Variants in NCOR1 observed in about 807,000 individuals in gnomAD.
The protein encoded by NCOR1 is nuclear receptor corepressor 1.
Under a neutral mutation model 288.1 loss-of-function variants are expected in NCOR1, and 63 were observed. The ratio of observed to expected loss-of-function variants is 0.22; its 90% confidence interval spans 0.18 to 0.27. NCOR1 has a LOEUF of 0.27. Among genes scored for constraint, NCOR1 ranks in the 10% least tolerant of loss-of-function variants. NCOR1 has a pLI of 1.00. For synonymous variants in NCOR1, 1,007 were observed against 1,065.9 expected (o/e 0.94, Z 1.08); for missense variants, 2,397 against 3,019.2 (o/e 0.79, Z 4.83).
Position 16,139,046 on chromosome 17 carries a change from A to G in NCOR1, c.1314T>C (p.Asn438=), listed in dbSNP as rs767951912. Reference sequence around the variant, plus strand: ...TCTCCTTTTCATGGTCAGTCCAAACATTCATAAACTGCCTATCTTTATACA... The same window carrying G: ...TCTCCTTTTCATGGTCAGTCCAAACGTTCATAAACTGCCTATCTTTATACA... ...MKVYKDRQFM[N]VWTDHEKEIF... The change falls in exon 12 of 46, where the codon AAT becomes AAC. Residue 438 remains asparagine, a synonymous_variant. Transcript: ENST00000268712. The G allele has an allele frequency of 1.9e-6, 3 of 1,601,968 alleles. No individual in the cohort carries two copies. In the East Asian group the frequency reaches 6.7e-5, roughly 36 times the overall value.
rs1403107361 is a variant in NCOR1 at position 16,127,338 on chromosome 17, CATGTATGT to C, written c.1510-1140_1510-1133del. On this transcript the variant is annotated intron_variant, in intron 14 of 45. Coordinates refer to ENST00000268712, the MANE Select transcript of NCOR1 (RefSeq NM_006311.4). Reference sequence around the variant, plus strand: ...GTATGTATATATGTATGTATATATACATGTATGTATATATGTATGTATATATACATGTA... The same window carrying C: ...GTATGTATATATGTATGTATATATACATATATGTATGTATATATACATGTA... Among the ~76,000 whole-genome samples the C allele has an allele frequency of 8.0e-4, 29 of 36,210 alleles. 11 individuals carry two copies. Among genetic ancestry groups the C allele is most frequent in the Non-Finnish European group, 6.0e-4 (8 of 13,246 alleles). 23.8% of individuals were successfully genotyped at this position (36,210 alleles called of 152,430 possible).
chr17:16,196,085 GGGT>G (rs1012312624), intron 1 of NCOR1, among the ~76,000 whole-genome samples: 3 of 149,244 alleles, frequency 2.0e-5, no homozygotes, highest in Non-Finnish European at 4.4e-5. Flanking sequence ...TTACCTAATT[GGGT>G]GGTTTTAAAA....
At chr17:16,193,371 C>T (rs2088999962) in intron 2 of NCOR1, among the ~76,000 whole-genome samples, 2 of 152,042 alleles carry the variant, frequency 1.3e-5, no homozygotes, top group South Asian at 4.2e-4. Flanking sequence ...GCTAGGATTA[C>T]AGATGCCTGC....
intron 21 of NCOR1, among the ~76,000 whole-genome samples, chr17:16,098,015 T>C (rs902218067): frequency 6.6e-6 from 1 of 152,212 alleles, no homozygotes; most frequent in African/African-American, 2.4e-5. Flanking sequence ...TAGTAAGTAT[T>C]GTGGGAAAGA....
chr17:16,083,970 TTTTTTTTCTTTAAG>T (rs2063811734), intron 23 of NCOR1: 2 of 152,042 alleles, frequency 1.3e-5, no homozygotes, highest in South Asian at 4.1e-4. Flanking sequence ...CCCAGCAGAA[TTTTTTTTCTTTAAG>T]TAGACTGACA....
intron 37 of NCOR1, among the ~76,000 whole-genome samples, chr17:16,060,362 T>C (rs2060415055): frequency 6.6e-6 from 1 of 152,246 alleles, no homozygotes; most frequent in South Asian, 2.1e-4. Context: ...AAGGAACCCA[T>C]GTGCTATACC....
intron 42 of NCOR1, among the ~76,000 whole-genome samples, chr17:16,043,307 A>G (rs182659919): frequency 1.1e-4 from 17 of 152,346 alleles, no homozygotes; most frequent in Admixed American, 5.2e-4. Context: ...ATTTAGTTCT[A>G]CTTCCCAGTG....
At chr17:16,111,539 T>C (rs899156494) in intron 18 of NCOR1, among the ~76,000 whole-genome samples, 7 of 151,948 alleles carry the variant, frequency 4.6e-5, no homozygotes, top group African/African-American at 1.7e-4. Context: ...GAGGCAGAGG[T>C]TGCAGTGAGC....
intron 19 of NCOR1, among the ~76,000 whole-genome samples, chr17:16,105,619 T>A (rs1260476975): frequency 2.6e-5 from 4 of 152,134 alleles, no homozygotes; most frequent in Non-Finnish European, 5.9e-5. Context: ...TGAGTTTGCT[T>A]TGGCTGTTAA....
intron 27 of NCOR1, 91 bp downstream of exon 27, chr17:16,075,443 A>C: frequency 7.3e-7 from 1 of 1,378,112 alleles, no homozygotes; most frequent in African/African-American, 1.4e-5. Flanking sequence ...AGATAAACTG[A>C]CTCCCAGAGA....
At chr17:16,074,785 A>C (rs1250086937) in intron 27 of NCOR1, among the ~76,000 whole-genome samples, 1 of 152,146 alleles carries the variant, frequency 6.6e-6, no homozygotes, top group African/African-American at 2.4e-5. Flanking sequence ...ACATCTAAAA[A>C]AATGTACATA....
intron 4 of NCOR1, among the ~76,000 whole-genome samples, 171 bp downstream of exon 4, chr17:16,171,632 T>C (rs568804497): frequency 6.6e-6 from 1 of 152,322 alleles, no homozygotes; most frequent in South Asian, 2.1e-4. Context: ...TTTAGCAGTC[T>C]GGAGCACTCA....
chr17:16,127,553 A>G lies in NCOR1; in HGVS notation c.1510-1347T>C, dbSNP rs182641589. On this transcript the variant is annotated intron_variant, in intron 14 of 45. Coordinates refer to ENST00000268712, the MANE Select transcript of NCOR1 (RefSeq NM_006311.4). ...TATATATCTGCATGTATATATACAC[A>G]TGTGTATATATGTATGTATATATAC... Among the ~76,000 whole-genome samples the G allele has an allele frequency of 6.4e-5, 9 of 140,436 alleles. 1 individual carries two copies. The highest frequency in any genetic ancestry group is 4.4e-4 in the East Asian group (2 of 4,560). The allele number at this position is 140,436 out of a possible 152,430, so 92.1% of individuals were successfully genotyped here.
intron 14 of NCOR1, 137 bp downstream of exon 14, chr17:16,137,174 T>C (rs2076559591): frequency 2.0e-6 from 1 of 493,304 alleles, no homozygotes; most frequent in African/African-American, 2.0e-5. Flanking sequence ...TTCAAAATAA[T>C]TATAACATCC....
At chr17:16,185,079 G>A (rs906636861) in intron 3 of NCOR1, among the ~76,000 whole-genome samples, 1 of 150,502 alleles carries the variant, frequency 6.6e-6, no homozygotes, top group Non-Finnish European at 1.5e-5. Flanking sequence ...ACCAGGGGCA[G>A]GGGGTGGAAA....
intron 3 of NCOR1, among the ~76,000 whole-genome samples, chr17:16,185,577 G>C (rs192491574): frequency 1.3e-5 from 2 of 149,594 alleles, no homozygotes; most frequent in Non-Finnish European, 3.0e-5. Flanking sequence ...CAGCTATTTA[G>C]GAGGCTGAGG....
At chr17:16,141,278 A>G (rs1308695601) in intron 11 of NCOR1, among the ~76,000 whole-genome samples, 6 of 152,146 alleles carry the variant, frequency 3.9e-5, no homozygotes, top group Non-Finnish European at 8.8e-5. Context: ...AATTGTCCCT[A>G]AAGAGTTATG....
At chr17:16,188,219 G>A (rs1462506306) in intron 2 of NCOR1, among the ~76,000 whole-genome samples, 2 of 152,160 alleles carry the variant, frequency 1.3e-5, no homozygotes, top group Non-Finnish European at 1.5e-5. Context: ...GGGTAGATAA[G>A]CCATTGAGAG....
chr17:16,200,015 C>T (rs1271855511), intron 1 of NCOR1, among the ~76,000 whole-genome samples: 4 of 151,816 alleles, frequency 2.6e-5, no homozygotes, highest in Non-Finnish European at 4.4e-5. Context: ...ATTAAATAAA[C>T]GCACACATAT....
Sources: allele counts gnomAD v4.1 joint callset (sites outside exome capture counted in the v4.1 genomes callset), GRCh38; gene constraint gnomAD v4.1.1; transcripts MANE v1.5; gene names NCBI Gene and HGNC (gene_info 2026-07-23, HGNC 2026-07-21).